NUP50: variants seen among roughly 807,000 people sequenced by gnomAD.
The protein encoded by NUP50 is nuclear pore complex protein Nup50.
Under a neutral mutation model 36.8 loss-of-function variants are expected in NUP50, and 14 were observed. The observed-to-expected ratio is 0.38, with a 90% CI of 0.25 to 0.59. The LOEUF (loss-of-function observed/expected upper bound fraction) is 0.59, where lower values mean the gene tolerates loss of function less well. Ranked by LOEUF, NUP50 falls within the 20% of genes least tolerant of loss-of-function variation. The probability of loss-of-function intolerance (pLI) is 0.63; values close to 1 mark genes in which losing one functional copy is unlikely to be tolerated. For synonymous variants in NUP50, 195 were observed against 210.8 expected, an observed-to-expected ratio of 0.93 and a Z score of 0.65; for missense variants, 455 against 564.6, an observed-to-expected ratio of 0.81 and a Z score of 1.97.
intron 4 of NUP50, among the ~76,000 whole-genome samples, chr22:45,177,037 G>A (rs1045078100): frequency 4.6e-5 from 7 of 152,106 alleles, no homozygotes; most frequent in African/African-American, 1.7e-4. Flanking sequence ...ACTGTGCCCG[G>A]CCTCTGTTAA....
rs1601793647 is a variant in NUP50 at position 45,184,296 on chromosome 22, GT to G, written c.1205-155del. ...GGCAAGTGCTCCCCGAGGCCTCCCA[GT>G]TCTCAGGGAACCAGTCCTGATTTTG... On this transcript the variant is annotated intron_variant, in intron 7 of 7. Transcript: ENST00000347635. 5 of 693,898 alleles carry G rather than the reference GT, an allele frequency of 7.2e-6. No individual in the cohort carries two copies. The East Asian group carries it at 1.4e-4, about 19-fold the overall frequency. 43.0% of individuals were successfully genotyped at this position (693,898 alleles called of 1,614,324 possible).
intron 2 of NUP50, among the ~76,000 whole-genome samples, chr22:45,168,976 A>G (rs1028529816): frequency 2.1e-5 from 3 of 141,872 alleles, no homozygotes; most frequent in African/African-American, 8.0e-5. Flanking sequence ...ACCTCGGCTC[A>G]CTGCAACTTT....
At chr22:45,169,990 A>C (rs748457650) in intron 2 of NUP50, among the ~76,000 whole-genome samples, 1 of 152,232 alleles carries the variant, frequency 6.6e-6, no homozygotes, top group African/African-American at 2.4e-5. Flanking sequence ...AGTAGATAGC[A>C]GTAGAAGAAA....
intron 2 of NUP50, chr22:45,171,172 TC>T: frequency 8.5e-7 from 1 of 1,178,236 alleles, no homozygotes; most frequent in Non-Finnish European, 1.1e-6. Context: ...ATCTTAAAAA[TC>T]ATGTGTATGT....
In NUP50 at chr22:45,185,779, C is replaced by T. The variant is rs1373603509; in HGVS notation, c.*1124C>T. On this transcript the variant is annotated 3_prime_UTR_variant, in exon 8 of 8. Transcript: ENST00000347635. ...CACACGAATATCCCTGTCACTTCTC[C>T]AGAGGTGTCAGGTAACTAACACGAG... 2 of 152,174 alleles carry T rather than the reference C, an allele frequency of 1.3e-5. No homozygotes were observed. Among genetic ancestry groups the T allele is most frequent in the Non-Finnish European group, 2.9e-5 (2 of 68,026 alleles). 9.4% of individuals were successfully genotyped at this position (152,174 alleles called of 1,614,324 possible).
chr22:45,166,283 C>CTTTTTTTTTTTTTTTT (rs71190641), intron 1 of NUP50: 3 of 121,946 alleles, frequency 2.5e-5, no homozygotes, highest in African/African-American at 3.4e-5. Context: ...TTTTCTTTTT[C>CTTTTTTTTTTTTTTTT]TTTTTTTTTT....
chr22:45,173,473 A>G (rs1278263638), intron 3 of NUP50, among the ~76,000 whole-genome samples: 1 of 151,604 alleles, frequency 6.6e-6, no homozygotes, highest in African/African-American at 2.4e-5. Flanking sequence ...GGGACAGTTT[A>G]ATTAAGGAGG....
intron 7 of NUP50, chr22:45,183,971 G>C (rs934832480): frequency 4.8e-6 from 1 of 206,442 alleles, no homozygotes; most frequent in African/African-American, 2.3e-5. Flanking sequence ...AGAACAGGGG[G>C]CTGTGTTGCA....
At position 45,186,976 on chromosome 22, in the gene NUP50, T is replaced by C. The variant is rs2083454539; in HGVS notation, c.*2321T>C. The C allele has an allele frequency of 6.6e-6, 1 of 152,238 alleles. No individual in the cohort carries two copies. The highest frequency in any genetic ancestry group is 6.5e-5 in the Admixed American group (1 of 15,282). The allele number at this position is 152,238 out of a possible 1,614,324, so 9.4% of individuals were successfully genotyped here. On this transcript the variant is annotated 3_prime_UTR_variant, in exon 8 of 8. Coordinates refer to ENST00000347635, the MANE Select transcript of NUP50 (RefSeq NM_007172.4). The stretch of plus-strand genomic sequence containing the variant: ...TATGTTAACAGGTAATTCTGATTTA[T>C]GCGTTTAGTTTGACTTATTTTTAAC...
intron 3 of NUP50, among the ~76,000 whole-genome samples, chr22:45,174,150 G>T (rs1007878974): frequency 1.3e-5 from 2 of 151,002 alleles, no homozygotes; most frequent in Non-Finnish European, 2.9e-5. Flanking sequence ...GGCTGTGTCA[G>T]TGCCCATGGA....
intron 3 of NUP50, 30 bp from the exon 4 acceptor site, chr22:45,175,864 C>A (rs760314445): frequency 6.2e-6 from 10 of 1,609,620 alleles, no homozygotes; most frequent in Admixed American, 1.7e-5. Flanking sequence ...AGTACACTTA[C>A]CTAATGTGTG....
At chr22:45,179,494 CTGT>C (rs1042993388) in intron 5 of NUP50, among the ~76,000 whole-genome samples, 2 of 152,220 alleles carry the variant, frequency 1.3e-5, no homozygotes, top group African/African-American at 4.8e-5. Flanking sequence ...CTCCAGACCT[CTGT>C]TGTTAGCTTA....
chr22:45,185,468 A>G lies in NUP50; in HGVS notation c.*813A>G, dbSNP rs1344139909. On this transcript the variant is annotated 3_prime_UTR_variant, in exon 8 of 8. Coordinates refer to ENST00000347635, the MANE Select transcript of NUP50 (RefSeq NM_007172.4). ...GGAGAGTGAACCCTTACGAAATGAA[A>G]GTCAAATGAGACCATCCGAGAAAAA... is the stretch of plus-strand genomic sequence containing the variant. 6.6e-6 allele frequency: 1 copy of G among 152,256 alleles called. No homozygotes were observed. Among genetic ancestry groups the G allele is most frequent in the African/African-American group, 2.4e-5 (1 of 41,414 alleles). 9.4% of individuals were successfully genotyped at this position (152,256 alleles called of 1,614,324 possible). A position where few individuals can be genotyped will look rare whatever the true frequency, so the allele number is the denominator to read the frequency against.
chr22:45,170,346 C>CA (rs1285619510), intron 2 of NUP50, among the ~76,000 whole-genome samples: 9 of 151,656 alleles, frequency 5.9e-5, no homozygotes, highest in Non-Finnish European at 1.2e-4. Flanking sequence ...AGAACACCCG[C>CA]AAAGCCCAGT....
chr22:45,183,085 C>CGGGGGGGG (rs60488848), intron 6 of NUP50, among the ~76,000 whole-genome samples: 6 of 114,126 alleles, frequency 5.3e-5, no homozygotes, highest in Non-Finnish European at 7.3e-5. Flanking sequence ...GGGTTGGGGG[C>CGGGGGGGG]GGGGGGGGGG....
chr22:45,176,548 A>T (rs1450398408), intron 4 of NUP50, among the ~76,000 whole-genome samples: 5 of 152,098 alleles, frequency 3.3e-5, no homozygotes, highest in Non-Finnish European at 5.9e-5. Context: ...TGATTGCCTG[A>T]TCCTGTTTTG....
chr22:45,176,231 C>T (rs1013427920), intron 4 of NUP50, 151 bp downstream of exon 4: 28 of 826,636 alleles, frequency 3.4e-5, no homozygotes, highest in Admixed American at 2.1e-4. Flanking sequence ...AGGGAGGTGT[C>T]GGTTACTTAC....
chr22:45,176,779 T>C (rs1249225884), intron 4 of NUP50, among the ~76,000 whole-genome samples: 1 of 152,214 alleles, frequency 6.6e-6, no homozygotes, highest in Non-Finnish European at 1.5e-5. Flanking sequence ...AGTCTTGCTC[T>C]GTCACCAGGA....
chr22:45,179,270 C>A, intron 5 of NUP50: 1 of 184,466 alleles, frequency 5.4e-6, no homozygotes, highest in East Asian at 1.5e-4. Context: ...TTGATTTGTA[C>A]TTAGGAGATC....
Sources: gnomAD v4.1 joint callset for allele counts (sites outside exome capture counted in the v4.1 genomes callset) on GRCh38, gnomAD v4.1.1 for gene constraint, MANE v1.5 for transcripts, NCBI Gene and HGNC (gene_info 2026-07-23, HGNC 2026-07-21) for gene names.